BLK: variants seen among roughly 807,000 people sequenced by gnomAD.
BLK encodes BLK proto-oncogene, Src family tyrosine kinase, also known as tyrosine-protein kinase Blk.
A neutral mutation model predicts 61.8 loss-of-function variants in BLK; 64 were observed. The ratio of observed to expected loss-of-function variants is 1.03; its 90% CI spans 0.85 to 1.27. BLK has a LOEUF of 1.27. Ranked by LOEUF, BLK falls within the 50% of genes most tolerant of loss-of-function variation. The pLI is 0.00. For synonymous variants in BLK, 351 were observed against 272.0 expected (o/e 1.29, Z -2.86); for missense variants, 853 against 660.5 (o/e 1.29, Z -3.19).
intron 1 of BLK, among the ~76,000 whole-genome samples, chr8:11,513,345 T>C (rs1462827502): frequency 6.6e-6 from 1 of 152,142 alleles, no homozygotes; most frequent in Admixed American, 6.5e-5. Context: ...TGGACCATAG[T>C]GGAGACTGAG....
intron 1 of BLK, among the ~76,000 whole-genome samples, chr8:11,508,408 C>T (rs111341574): frequency 1.3e-5 from 2 of 152,230 alleles, no homozygotes; most frequent in African/African-American, 4.8e-5. Context: ...CTTTCCTCCG[C>T]TAGGGGGCTC....
chr8:11,551,091 A>AC (rs759162863), intron 6 of BLK, among the ~76,000 whole-genome samples: 2 of 152,036 alleles, frequency 1.3e-5, no homozygotes, highest in Non-Finnish European at 2.9e-5. Context: ...TGGTTTCGCC[A>AC]CCATGTCTTG....
At chr8:11,498,970 G>T (rs532810820) in intron 1 of BLK, among the ~76,000 whole-genome samples, 2 of 152,234 alleles carry the variant, frequency 1.3e-5, no homozygotes, top group African/African-American at 4.8e-5. Context: ...TTACTTTTAT[G>T]CCCAATATTC....
intron 1 of BLK, chr8:11,509,020 G>C (rs1368538907): frequency 6.6e-6 from 1 of 152,212 alleles, no homozygotes; most frequent in Non-Finnish European, 1.5e-5. Flanking sequence ...GAGCAAGCAG[G>C]CCATGAGCTG....
At chr8:11,512,825 C>A (rs184090830) in intron 1 of BLK, among the ~76,000 whole-genome samples, 1 of 152,130 alleles carries the variant, frequency 6.6e-6, no homozygotes, top group South Asian at 2.1e-4. Flanking sequence ...CACCACCATG[C>A]CCAGCTAATT....
intron 8 of BLK, chr8:11,556,178 T>C (rs543795955): frequency 6.5e-4 from 151 of 232,404 alleles, no homozygotes; most frequent in African/African-American, 3.1e-3. Context: ...GGGGACTTCA[T>C]GGAGTACAGG....
intron 1 of BLK, among the ~76,000 whole-genome samples, chr8:11,527,069 G>C (rs942964029): frequency 6.6e-6 from 1 of 152,068 alleles, no homozygotes; most frequent in Admixed American, 6.5e-5. Context: ...TCCTAGTGTC[G>C]CTTATTCTTT....
chr8:11,540,240 C>G (rs1486653551), intron 1 of BLK, among the ~76,000 whole-genome samples: 3 of 151,806 alleles, frequency 2.0e-5, no homozygotes, highest in Non-Finnish European at 2.9e-5. Context: ...TTGTATTTTC[C>G]TTAAGGTAAA....
At chr8:11,553,970 C>A (rs1368575869) in intron 6 of BLK, among the ~76,000 whole-genome samples, 1 of 152,100 alleles carries the variant, frequency 6.6e-6, no homozygotes, top group African/African-American at 2.4e-5. Flanking sequence ...GGCGCGGACT[C>A]GGGGAACCGG....
intron 1 of BLK, among the ~76,000 whole-genome samples, chr8:11,507,052 G>T (rs1221712432): frequency 6.6e-6 from 1 of 152,232 alleles, no homozygotes; most frequent in Non-Finnish European, 1.5e-5. Flanking sequence ...TCTCAGAAAG[G>T]CAGGTAGCCT....
chr8:11,506,788 A>T (rs1202179962), intron 1 of BLK, among the ~76,000 whole-genome samples: 2 of 152,146 alleles, frequency 1.3e-5, no homozygotes, highest in African/African-American at 4.8e-5. Flanking sequence ...ATTCCAGGCC[A>T]CATCCCAGGT....
intron 1 of BLK, among the ~76,000 whole-genome samples, chr8:11,531,010 A>G (rs1000080819): frequency 1.2e-4 from 18 of 152,126 alleles, no homozygotes; most frequent in Non-Finnish European, 1.8e-4. Flanking sequence ...AACACTTGGT[A>G]TGATCGGTCA....
At chr8:11,508,210 T>C (rs570126187) in intron 1 of BLK, among the ~76,000 whole-genome samples, 10 of 152,318 alleles carry the variant, frequency 6.6e-5, no homozygotes, top group Middle Eastern at 3.4e-3. Context: ...CTGCCACTAC[T>C]GTAAGGCAAG....
rs111866701 is a variant in BLK at position 11,549,105 on chromosome 8, G to A, written c.351G>A (p.Glu117=). 7.2e-5 allele frequency: 116 copies of A among 1,608,430 alleles called. No homozygotes were observed. In the African/African-American group the frequency reaches 1.3e-3, roughly 19 times the overall value. The change falls in exon 5 of 13, where the codon GAG becomes GAA. Residue 117 remains glutamate (E), a synonymous_variant. Coordinates refer to ENST00000259089, the MANE Select transcript of BLK (RefSeq NM_001715.3). ...CCAGTAACTTTGTGGCCCGAGTGGAGAGCCTGGAAATGGAAAGGTAGGTGG... is the reference window on the plus strand; with the variant it reads ...CCAGTAACTTTGTGGCCCGAGTGGAAAGCCTGGAAATGGAAAGGTAGGTGG... ...YVPSNFVARV[E]SLEMERWFFR...
At chr8:11,496,095 T>C (rs1183045391) in intron 1 of BLK, among the ~76,000 whole-genome samples, 1 of 152,180 alleles carries the variant, frequency 6.6e-6, no homozygotes. Flanking sequence ...CCTTTTGAAT[T>C]TTTGACCATC....
intron 1 of BLK, among the ~76,000 whole-genome samples, chr8:11,508,000 C>G (rs1239072376): frequency 1.3e-5 from 2 of 152,102 alleles, no homozygotes; most frequent in Non-Finnish European, 2.9e-5. Context: ...GCACACTGGT[C>G]AAGTAGGGGG....
At chr8:11,526,518 A>G (rs946157142) in intron 1 of BLK, among the ~76,000 whole-genome samples, 1 of 152,184 alleles carries the variant, frequency 6.6e-6, no homozygotes, top group Non-Finnish European at 1.5e-5. Flanking sequence ...CAGGAGTTTG[A>G]GACCAGCCTG....
At chr8:11,509,882 T>C (rs2117281156) in intron 1 of BLK, 1 of 152,326 alleles carries the variant, frequency 6.6e-6, no homozygotes, top group Non-Finnish European at 1.5e-5. Flanking sequence ...GCTGGAATCA[T>C]AAAGACATAG....
chr8:11,530,031 C>G (rs1799823654), intron 1 of BLK, among the ~76,000 whole-genome samples: 1 of 152,064 alleles, frequency 6.6e-6, no homozygotes, highest in African/African-American at 2.4e-5. Context: ...TTTCTCTCTC[C>G]AGTTTATTTT....
Sources: gnomAD v4.1 joint callset for allele counts (sites outside exome capture counted in the v4.1 genomes callset) on GRCh38, gnomAD v4.1.1 for gene constraint, MANE v1.5 for transcripts, NCBI Gene and HGNC (gene_info 2026-07-23, HGNC 2026-07-21) for gene names.